PPFIA2: variants seen among roughly 807,000 people sequenced by gnomAD.
The protein encoded by PPFIA2 is PPFI scaffold protein A2, also known as liprin-alpha-2.
In PPFIA2, 46 loss-of-function variants were observed where a neutral mutation model predicts 175.5. The observed-to-expected ratio is 0.26, with a 90% CI of 0.21 to 0.34. PPFIA2 has a LOEUF of 0.34. Among genes scored for constraint, PPFIA2 ranks in the 10% least tolerant of loss-of-function variants. PPFIA2 has a pLI of 1.00. For missense variants in PPFIA2, 1,179 were observed against 1,506.1 expected, an observed-to-expected ratio of 0.78 and a Z score of 3.60; for synonymous variants, 568 against 511.4, an observed-to-expected ratio of 1.11 and a Z score of -1.49.
intron 4 of PPFIA2, among the ~76,000 whole-genome samples, chr12:81,526,337 T>C (rs1263637130): frequency 6.6e-6 from 1 of 152,148 alleles, no homozygotes; most frequent in African/African-American, 2.4e-5. Flanking sequence ...GGCTGTGAGC[T>C]TTTGCCTGTT....
chr12:81,303,378 A>C (rs1367338276), intron 22 of PPFIA2, among the ~76,000 whole-genome samples: 1 of 152,212 alleles, frequency 6.6e-6, no homozygotes, highest in Non-Finnish European at 1.5e-5. Context: ...TTTAAGATTC[A>C]GAATAGATTT....
chr12:81,504,984 G>A (rs1004827437), intron 4 of PPFIA2, among the ~76,000 whole-genome samples: 1 of 152,100 alleles, frequency 6.6e-6, no homozygotes, highest in African/African-American at 2.4e-5. Context: ...TCACACACCG[G>A]GCCCTGTCAG....
intron 9 of PPFIA2, among the ~76,000 whole-genome samples, chr12:81,376,321 C>T (rs970990083): frequency 3.9e-5 from 6 of 151,912 alleles, no homozygotes; most frequent in Non-Finnish European, 8.8e-5. Context: ...GGCTACAGTT[C>T]TAAATTGTAA....
At chr12:81,523,386 A>G (rs2153258541) in intron 4 of PPFIA2, among the ~76,000 whole-genome samples, 1 of 151,922 alleles carries the variant, frequency 6.6e-6, no homozygotes, top group African/African-American at 2.4e-5. Context: ...CACATGGTTG[A>G]CCCATTCCAA....
chr12:81,364,539 A>C (rs1402047502), intron 14 of PPFIA2, among the ~76,000 whole-genome samples: 1 of 151,756 alleles, frequency 6.6e-6, no homozygotes, highest in Non-Finnish European at 1.5e-5. Flanking sequence ...GGTGTGCACC[A>C]CTGCACCTGG....
chr12:81,392,651 C>G (rs1273549439), intron 8 of PPFIA2, among the ~76,000 whole-genome samples: 1 of 151,894 alleles, frequency 6.6e-6, no homozygotes, highest in Non-Finnish European at 1.5e-5. Context: ...ATTTTTATCT[C>G]TATTAAAAGT....
At chr12:81,293,142 A>C (rs999591659) in intron 24 of PPFIA2, among the ~76,000 whole-genome samples, 7 of 152,032 alleles carry the variant, frequency 4.6e-5, no homozygotes, top group Non-Finnish European at 1.0e-4. Flanking sequence ...GCTAAAATTT[A>C]TCTCATTCTC....
intron 4 of PPFIA2, among the ~76,000 whole-genome samples, chr12:81,548,904 G>A (rs925315235): frequency 1.3e-5 from 2 of 152,038 alleles, no homozygotes; most frequent in African/African-American, 4.8e-5. Context: ...TTTAAACAAA[G>A]AAACTGCAGG....
At chr12:81,741,930 C>T (rs1041496687) in intron 3 of PPFIA2, among the ~76,000 whole-genome samples, 5 of 152,134 alleles carry the variant, frequency 3.3e-5, no homozygotes, top group Middle Eastern at 3.2e-3. Flanking sequence ...GATGATCAGG[C>T]ATGGCCTTAC....
intron 11 of PPFIA2, among the ~76,000 whole-genome samples, chr12:81,373,131 ATT>A (rs2141623529): frequency 6.6e-6 from 1 of 151,796 alleles, no homozygotes; most frequent in Non-Finnish European, 1.5e-5. Context: ...TGGGGCAGTG[ATT>A]TTCTGAATTG....
In PPFIA2 at chr12:81,262,018, C is replaced by T; in HGVS notation, c.3738G>A (p.Arg1246=). The change falls in exon 32 of 33, where the codon AGG becomes AGA. Residue 1246 remains arginine (R), a synonymous_variant. Coordinates refer to ENST00000549396, the MANE Select transcript of PPFIA2 (RefSeq NM_003625.5). The part of the protein sequence containing the change: ...TTDVASSRLQ[R]LDNSTVRTYS... ...ATGTGCGAACAGTGGAGTTGTCTAACCTCTGCAGTCTTGATGAAGCAACTG... is the reference window on the plus strand; with the variant it reads ...ATGTGCGAACAGTGGAGTTGTCTAATCTCTGCAGTCTTGATGAAGCAACTG... 1 of 1,604,974 alleles carries T rather than the reference C, an allele frequency of 6.2e-7. No homozygotes were observed. Among genetic ancestry groups the T allele is most frequent in the Admixed American group, 1.7e-5 (1 of 58,972 alleles).
intron 4 of PPFIA2, among the ~76,000 whole-genome samples, chr12:81,555,402 ACT>A (rs1038050664): frequency 6.6e-6 from 1 of 151,904 alleles, no homozygotes; most frequent in African/African-American, 2.4e-5. Context: ...CTTCACTGAT[ACT>A]CTTAGTCAAA....
At chr12:81,493,782 A>ATC in intron 4 of PPFIA2, among the ~76,000 whole-genome samples, 1 of 142,986 alleles carries the variant, frequency 7.0e-6, no homozygotes, top group African/African-American at 2.6e-5. Flanking sequence ...ATATATATAT[A>ATC]TATATACACA....
chr12:81,533,462 A>G (rs1224967783), intron 4 of PPFIA2, among the ~76,000 whole-genome samples: 1 of 151,642 alleles, frequency 6.6e-6, no homozygotes, highest in African/African-American at 2.4e-5. Flanking sequence ...TGCCAAATTA[A>G]GTGCTGGTAG....
rs116683570 is a variant in PPFIA2, at chr12:81,745,999, G to T, written c.249+7974C>A. On this transcript the variant is annotated intron_variant, in intron 3 of 32. Coordinates refer to ENST00000549396, the MANE Select transcript of PPFIA2 (RefSeq NM_003625.5). ...TTTTAGCTTTTCCAACTCAATCTTT[G>T]TAGAGTCCAAATATGGAGTTTGAGT... Among the ~76,000 whole-genome samples, 100 of 107,394 alleles carry T rather than the reference G, an allele frequency of 9.3e-4. 12 individuals are homozygous for T. Among genetic ancestry groups the T allele is most frequent in the Admixed American group, 3.0e-3 (26 of 8,754 alleles). The allele number at this position is 107,394 out of a possible 152,430, so 70.5% of individuals were successfully genotyped here.
intron 4 of PPFIA2, among the ~76,000 whole-genome samples, chr12:81,671,021 G>A (rs919086660): frequency 2.0e-5 from 3 of 151,776 alleles, no homozygotes; most frequent in African/African-American, 7.3e-5. Flanking sequence ...CTTTAATTAA[G>A]TCTTCTACAT....
At chr12:81,268,115 A>G (rs770362828) in intron 28 of PPFIA2, 28 bp from the exon 29 acceptor site, 5 of 993,334 alleles carry the variant, frequency 5.0e-6, no homozygotes, top group Non-Finnish European at 7.3e-6. Context: ...TCATTTTAGG[A>G]TGCATTATTT....
chr12:81,265,971 CATT>C lies in PPFIA2; in HGVS notation c.3555+978_3555+980del, dbSNP rs562645047. 1.8e-3 allele frequency among the ~76,000 whole-genome samples: 274 copies of C among 152,248 alleles called. 1 individual carries two copies. The highest frequency in any genetic ancestry group is 6.1e-3 in the African/African-American group (255 of 41,546). ...AGACGAGGCTTTTAAAAATATTAAT[CATT>C]ATGCTGATTGAATAAGAGCATGAAT... On this transcript the variant is annotated intron_variant, in intron 30 of 32. Transcript: ENST00000549396.
chr12:81,652,461 T>C (rs529032307), intron 4 of PPFIA2, among the ~76,000 whole-genome samples: 2 of 151,674 alleles, frequency 1.3e-5, no homozygotes, highest in African/African-American at 4.8e-5. Flanking sequence ...CTGAGGAAAA[T>C]TTTCCCTAAG....
Sources: gnomAD v4.1 joint callset for allele counts (sites outside exome capture counted in the v4.1 genomes callset) on GRCh38, gnomAD v4.1.1 for gene constraint, MANE v1.5 for transcripts, NCBI Gene and HGNC (gene_info 2026-07-23, HGNC 2026-07-21) for gene names.